UVSSA: variants seen among roughly 807,000 people sequenced by gnomAD.
UVSSA encodes the protein UV-stimulated scaffold protein A.
A neutral mutation model predicts 73.9 loss-of-function variants in UVSSA; 72 were observed. The ratio of observed to expected loss-of-function variants is 0.97; its 90% confidence interval spans 0.81 to 1.19. UVSSA has a LOEUF of 1.19. Among genes scored for constraint, UVSSA ranks in the 50% most tolerant of loss-of-function variants. UVSSA has a pLI of 0.00. For synonymous variants in UVSSA, 454 were observed against 391.3 expected (o/e 1.16, Z -1.89); for missense variants, 1,150 against 965.0 (o/e 1.19, Z -2.54).
intron 7 of UVSSA, 147 bp downstream of exon 7, chr4:1,355,392 C>T: frequency 1.3e-6 from 1 of 763,080 alleles, no homozygotes; most frequent in Non-Finnish European, 2.1e-6. Context: ...ACCTGCCTCC[C>T]CAGCGAGGGC....
At chr4:1,355,266 C>T (rs765517313) in intron 7 of UVSSA, 21 bp downstream of exon 7, 17 of 1,578,794 alleles carry the variant, frequency 1.1e-5, no homozygotes, top group East Asian at 2.3e-5. Flanking sequence ...AGGCGGCGAG[C>T]GGGAAGGGGT....
intron 7 of UVSSA, among the ~76,000 whole-genome samples, chr4:1,364,290 C>T (rs13125197): frequency 0.012 from 948 of 77,304 alleles, 47 homozygotes; most frequent in African/African-American, 0.028. Context: ...TGCTGGTGCC[C>T]GGGCCCCGTG....
chr4:1,352,502 G>A (rs912967818), intron 4 of UVSSA, among the ~76,000 whole-genome samples: 1 of 152,234 alleles, frequency 6.6e-6, no homozygotes, highest in Non-Finnish European at 1.5e-5. Context: ...GCATGAACGA[G>A]GCTGTTTTGT....
At chr4:1,367,929 G>A (rs138581870) in intron 8 of UVSSA, among the ~76,000 whole-genome samples, 44 of 152,328 alleles carry the variant, frequency 2.9e-4, no homozygotes, top group African/African-American at 8.2e-4. Context: ...TCGGGCAGGC[G>A]TCCCCACGCC....
At chr4:1,356,226 C>T (rs560163531) in intron 7 of UVSSA, among the ~76,000 whole-genome samples, 2 of 152,162 alleles carry the variant, frequency 1.3e-5, no homozygotes, top group South Asian at 4.2e-4. Flanking sequence ...ACACTGTGCT[C>T]CTTGCTGAGG....
At chr4:1,375,289 A>C in intron 8 of UVSSA, 75 bp from the exon 9 acceptor site, 1 of 1,588,168 alleles carries the variant, frequency 6.3e-7, no homozygotes, top group Non-Finnish European at 8.6e-7. Flanking sequence ...GGCGCGTCCT[A>C]ACTGCCCGGT....
intron 10 of UVSSA, 62 bp downstream of exon 10, chr4:1,376,230 G>A: frequency 6.6e-7 from 1 of 1,522,140 alleles, no homozygotes; most frequent in Non-Finnish European, 8.8e-7. Flanking sequence ...CCTGAGGAGG[G>A]GGCTGCCGGC....
chr4:1,342,850 A>G (rs1435379576), upstream of UVSSA, among the ~76,000 whole-genome samples: 4 of 152,124 alleles, frequency 2.6e-5, no homozygotes, highest in South Asian at 4.1e-4. Flanking sequence ...CTTTAGGTCT[A>G]TCCTTGTCCT....
chr4:1,375,235 C>A, intron 8 of UVSSA, 129 bp from the exon 9 acceptor site: 1 of 1,450,330 alleles, frequency 6.9e-7, no homozygotes, highest in East Asian at 2.3e-5. Context: ...AGATAGCAGG[C>A]ACCCACCTCG....
chr4:1,359,744 C>T lies in UVSSA; in HGVS notation c.1176+4499C>T, dbSNP rs951229599. ...CGACTCTGTGGTTTTCTTTCTCTGT[C>T]GGCCGCCTGCCTGCCTCCTCCACCG... On this transcript the variant is annotated intron_variant, in intron 7 of 13. Transcript: ENST00000389851. Among the ~76,000 whole-genome samples, 13 of 152,278 alleles carry T rather than the reference C, an allele frequency of 8.5e-5. 2 individuals carry two copies. Among genetic ancestry groups the T allele is most frequent in the East Asian group, 3.9e-4 (2 of 5,172 alleles).
At chr4:1,380,605 G>C in intron 11 of UVSSA, 1 of 1,487,562 alleles carries the variant, frequency 6.7e-7, no homozygotes, top group Non-Finnish European at 9.0e-7. Flanking sequence ...TGGTGCAGGG[G>C]GGTCGCTATG....
At chr4:1,369,568 G>T (rs1337655072) in intron 8 of UVSSA, among the ~76,000 whole-genome samples, 1 of 152,196 alleles carries the variant, frequency 6.6e-6, no homozygotes, top group African/African-American at 2.4e-5. Context: ...TTCACTGAGG[G>T]GCCTTTATCT....
At chr4:1,343,331 C>G (rs1577258668), upstream of UVSSA, among the ~76,000 whole-genome samples, 1 of 152,130 alleles carries the variant, frequency 6.6e-6, no homozygotes, top group South Asian at 2.1e-4. Flanking sequence ...GATGAGGGCT[C>G]TATCCCTAGA....
intron 10 of UVSSA, among the ~76,000 whole-genome samples, chr4:1,377,908 C>T (rs1560478375): frequency 6.6e-6 from 1 of 152,366 alleles, no homozygotes; most frequent in Admixed American, 6.5e-5. Context: ...GGGAAGGGCC[C>T]CATGTCAGCT....
At position 1,375,034 on chromosome 4, in the gene UVSSA, C is replaced by T. The variant is rs182570186; in HGVS notation, c.1289-330C>T. ...CAGGGTGCCGGGCAGTCTGGGCTCT[C>T]GCTGCTGCCCAGCTTCTTTCCAGCC... On this transcript the variant is annotated intron_variant, in intron 8 of 13. Transcript: ENST00000389851. 9.5e-4 allele frequency: 295 copies of T among 312,156 alleles called. 2 individuals carry two copies. Among genetic ancestry groups the T allele is most frequent in the African/African-American group, 6.0e-3 (277 of 45,908 alleles). 19.3% of individuals were successfully genotyped at this position (312,156 alleles called of 1,614,324 possible).
intron 8 of UVSSA, among the ~76,000 whole-genome samples, chr4:1,374,052 G>A (rs762361739): frequency 1.3e-5 from 2 of 152,206 alleles, no homozygotes; most frequent in African/African-American, 2.4e-5. Flanking sequence ...CAGCCAGGAC[G>A]CCTTGCTCGG....
chr4:1,350,519 C>G (rs1261509750), intron 3 of UVSSA, among the ~76,000 whole-genome samples: 1 of 152,250 alleles, frequency 6.6e-6, no homozygotes, highest in African/African-American at 2.4e-5. Flanking sequence ...AAGCACACTG[C>G]TCTCCTACCT....
intron 8 of UVSSA, among the ~76,000 whole-genome samples, chr4:1,370,135 G>A (rs1275430955): frequency 1.3e-5 from 2 of 152,070 alleles, no homozygotes; most frequent in African/African-American, 2.4e-5. Flanking sequence ...ACAACAAATC[G>A]ATGAAAAATA....
chr4:1,349,472 C>A, intron 2 of UVSSA, 52 bp from the exon 3 acceptor site: 1 of 1,556,316 alleles, frequency 6.4e-7, no homozygotes, highest in Middle Eastern at 2.2e-4. Context: ...AGTCTCCCCC[C>A]GCCCATCCTC....
Sources: allele counts gnomAD v4.1 joint callset (sites outside exome capture counted in the v4.1 genomes callset), GRCh38; gene constraint gnomAD v4.1.1; transcripts MANE v1.5; gene names NCBI Gene and HGNC (gene_info 2026-07-23, HGNC 2026-07-21).